The following B4GALT1 variants were observed in gnomAD, a reference collection of about 807,000 sequenced individuals.
The protein encoded by B4GALT1 is beta-1,4-galactosyltransferase 1.
A neutral mutation model predicts 34.9 loss-of-function variants in B4GALT1; 16 were observed. That is an observed-to-expected ratio of 0.46 (90% CI 0.31 to 0.70). The LOEUF (loss-of-function observed/expected upper bound fraction) is 0.70, where lower values mean the gene tolerates loss of function less well. Among genes scored for constraint, B4GALT1 ranks in the 30% least tolerant of loss-of-function variants. The pLI, the probability that B4GALT1 is intolerant of heterozygous loss-of-function variation, is 0.05. For missense variants in B4GALT1, 445 were observed against 530.5 expected (o/e 0.84, Z 1.58); for synonymous variants, 221 against 218.1 (o/e 1.01, Z -0.12).
chr9:33,183,105 A>C, the B4GALT1 span, among the ~76,000 whole-genome samples: 3 of 152,208 alleles, frequency 2.0e-5, no homozygotes, highest in African/African-American at 7.2e-5. Context: ...TAAAAAATTC[A>C]TAAGTTTTAA....
At chr9:33,173,250 A>G in the B4GALT1 span, among the ~76,000 whole-genome samples, 3 of 152,122 alleles carry the variant, frequency 2.0e-5, no homozygotes, top group Admixed American at 6.6e-5. Context: ...CCAAAAATAC[A>G]AAAAGTAGCT....
In B4GALT1 at chr9:33,116,096, T is replaced by C; in HGVS notation, c.854A>G (p.Tyr285Cys). 6.2e-7 allele frequency: 1 copy of C among 1,613,354 alleles called. No homozygotes were observed. Among genetic ancestry groups the C allele is most frequent in the Non-Finnish European group, 8.5e-7 (1 of 1,179,518 alleles). ...ACTTAGAGCAGAGACACCTCCAAAA[T>C]ACTGAACATAAGGTAGGCTGGAGGA... ...KFGFSLPYVQYFGGVSALSKQ... is the reference protein window; with the variant it reads ...KFGFSLPYVQCFGGVSALSKQ... Residue 285 changes from tyrosine (Y) to cysteine (C), a missense_variant, in exon 4 of 6, where the codon TAT (tyrosine) becomes TGT (cysteine). Tyr to Cys is a radical substitution (Grantham distance 194, BLOSUM62 -2). Around this residue, in one of 3 missense-constraint regions of B4GALT1, gnomAD observed 349 missense variants for 395.5 expected, o/e 0.88. Transcript: ENST00000379731.
chr9:33,128,008 G>T (rs1840137639), intron 2 of B4GALT1, among the ~76,000 whole-genome samples: 2 of 152,124 alleles, frequency 1.3e-5, no homozygotes, highest in African/African-American at 4.8e-5. Flanking sequence ...CCTGGCTCTG[G>T]GTTGATTTGA....
At chr9:33,174,661 A>T in the B4GALT1 span, among the ~76,000 whole-genome samples, 2 of 150,018 alleles carry the variant, frequency 1.3e-5, no homozygotes, top group Admixed American at 6.7e-5. Flanking sequence ...AATTACATGT[A>T]TATCTTATTG....
intron 4 of B4GALT1, among the ~76,000 whole-genome samples, chr9:33,115,125 A>G (rs147084586): frequency 1.3e-3 from 199 of 152,348 alleles, no homozygotes; most frequent in Non-Finnish European, 2.4e-3. Flanking sequence ...TACCCCATCT[A>G]CATACTAAAA....
chr9:33,113,723 A>G, intron 5 of B4GALT1, 51 bp downstream of exon 5: 1 of 1,610,482 alleles, frequency 6.2e-7, no homozygotes, highest in South Asian at 1.1e-5. Context: ...TCGGACCTGC[A>G]GCCTACCTCA....
intron 1 of B4GALT1, among the ~76,000 whole-genome samples, chr9:33,138,529 G>C (rs1451112951): frequency 2.0e-5 from 3 of 152,154 alleles, no homozygotes; most frequent in Admixed American, 1.3e-4. Flanking sequence ...CAGCATAGGA[G>C]AGGTGGAAAG....
rs186358617 is a variant in B4GALT1, at chr9:33,135,334, G to T, written c.503C>A (p.Ala168Asp). The T allele has an allele frequency of 9.9e-6, 16 of 1,614,110 alleles. No homozygotes were observed. The highest frequency in any genetic ancestry group is 4.0e-5 in the African/African-American group (3 of 74,932). The change falls in exon 2 of 6, where the codon GCC becomes GAC. Residue 168 changes from alanine to aspartate, a missense_variant. Physicochemically the swap from Ala to Asp is moderately radical, Grantham distance 126. Around this residue, in one of 3 missense-constraint regions of B4GALT1, gnomAD observed 349 missense variants for 395.5 expected, o/e 0.88. Coordinates refer to ENST00000379731, the MANE Select transcript of B4GALT1 (RefSeq NM_001497.4). The part of the protein sequence containing the change: ...NPNVKMGGRY[A>D]PRDCVSPHKV... ...GTGAGGAGAGACGCAGTCCCTGGGG[G>T]CATAGCGGCCGCCCATCTTCACATT...
intron 2 of B4GALT1, among the ~76,000 whole-genome samples, chr9:33,127,675 T>C (rs553716604): frequency 2.2e-4 from 34 of 152,330 alleles, no homozygotes; most frequent in African/African-American, 7.5e-4. Context: ...AAGTTAATTA[T>C]GATGGAATTC....
chr9:33,171,128 TCTA>T (rs1840836872), upstream of B4GALT1, among the ~76,000 whole-genome samples: 3 of 152,246 alleles, frequency 2.0e-5, no homozygotes, highest in Non-Finnish European at 4.4e-5. Flanking sequence ...ATTTCAGTCA[TCTA>T]TTGCAGCGTA....
chr9:33,128,124 G>T (rs1840140454), intron 2 of B4GALT1, among the ~76,000 whole-genome samples: 1 of 152,142 alleles, frequency 6.6e-6, no homozygotes, highest in Non-Finnish European at 1.5e-5. Flanking sequence ...TCTAGGAGGC[G>T]GAAAGTACAG....
intron 1 of B4GALT1, among the ~76,000 whole-genome samples, chr9:33,159,202 G>A (rs1286157228): frequency 6.6e-6 from 1 of 152,024 alleles, no homozygotes; most frequent in Non-Finnish European, 1.5e-5. Flanking sequence ...GGATGTCAAA[G>A]GCAAAAGGCC....
intron 1 of B4GALT1, among the ~76,000 whole-genome samples, chr9:33,148,147 T>A (rs539930640): frequency 6.6e-6 from 1 of 152,078 alleles, no homozygotes; most frequent in South Asian, 2.1e-4. Context: ...CTGCATATCT[T>A]CAAGAAAAAT....
chr9:33,121,783 T>C (rs139407625), intron 2 of B4GALT1, among the ~76,000 whole-genome samples: 68 of 150,728 alleles, frequency 4.5e-4, no homozygotes, highest in African/African-American at 1.2e-3. Context: ...GCTGGTTGGC[T>C]GAATGAATGA....
chr9:33,109,027 A>T (rs940212014), downstream of B4GALT1, among the ~76,000 whole-genome samples: 2 of 152,270 alleles, frequency 1.3e-5, no homozygotes, highest in Middle Eastern at 3.4e-3. Flanking sequence ...GGTGATAGGA[A>T]CGTCTTTTGT....
At chr9:33,107,799 A>C (rs28645680), downstream of B4GALT1, among the ~76,000 whole-genome samples, 34,039 of 151,640 alleles carry the variant, frequency 0.22, 4,634 homozygotes, top group African/African-American at 0.39. Flanking sequence ...GGAGGGGGTT[A>C]AACCTCTTTC....
intron 2 of B4GALT1, among the ~76,000 whole-genome samples, chr9:33,131,581 T>C (rs1840193976): frequency 6.6e-6 from 1 of 152,162 alleles, no homozygotes; most frequent in Admixed American, 6.5e-5. Flanking sequence ...ATGGTATGTG[T>C]GTGTGTGTAC....
At position 33,113,427 on chromosome 9, in the gene B4GALT1, C is replaced by G. The variant is rs1839892665; in HGVS notation, c.*27G>C. 1.9e-6 allele frequency: 3 copies of G among 1,613,928 alleles called. No individual in the cohort carries two copies. Among genetic ancestry groups the G allele is most frequent in the Admixed American group, 1.7e-5 (1 of 59,994 alleles). On this transcript the variant is annotated 3_prime_UTR_variant, in exon 6 of 6. Coordinates refer to ENST00000379731, the MANE Select transcript of B4GALT1 (RefSeq NM_001497.4). ...CACAGCAGAGGTCCCTGGCTAATTT[C>G]AGGTCTCTTATCCGTGTACCAAAAC...
chr9:33,117,719 C>T (rs1224685582), intron 3 of B4GALT1, among the ~76,000 whole-genome samples: 3 of 152,124 alleles, frequency 2.0e-5, no homozygotes, highest in African/African-American at 7.2e-5. Context: ...AGCAAAGGTC[C>T]CCAGGGGGTC....
Sources: allele counts gnomAD v4.1 joint callset (sites outside exome capture counted in the v4.1 genomes callset), GRCh38; gene constraint gnomAD v4.1.1; regional missense constraint gnomAD v4.1.1; transcripts MANE v1.5; gene names NCBI Gene and HGNC (gene_info 2026-07-23, HGNC 2026-07-21).